The following CYP19A1 variants were observed in gnomAD, a reference collection of about 807,000 sequenced individuals.
CYP19A1 encodes cytochrome P450 family 19 subfamily A member 1.
In CYP19A1, 32 loss-of-function variants were observed where a neutral mutation model predicts 44.4. The observed-to-expected ratio is 0.72, with a 90% confidence interval of 0.54 to 0.97. CYP19A1 has a LOEUF of 0.97. Among genes scored for constraint, CYP19A1 ranks in the 50% least tolerant of loss-of-function variants. The pLI is 0.00. For missense variants in CYP19A1, 598 were observed against 637.8 expected, an observed-to-expected ratio of 0.94 and a Z score of 0.67; for synonymous variants, 212 against 215.6, an observed-to-expected ratio of 0.98 and a Z score of 0.14.
intron 4 of CYP19A1, among the ~76,000 whole-genome samples, chr15:51,226,274 G>T (rs1388128554): frequency 6.6e-6 from 1 of 152,118 alleles, no homozygotes; most frequent in East Asian, 1.9e-4. Context: ...GGCCTCTAGA[G>T]CTGGAAAAGA....
intron 1 of CYP19A1, among the ~76,000 whole-genome samples, chr15:51,326,947 TAC>T (rs1404129150): frequency 6.6e-6 from 1 of 152,196 alleles, no homozygotes; most frequent in Non-Finnish European, 1.5e-5. Flanking sequence ...CCCATGACCA[TAC>T]AGGTAGTTGT....
At chr15:51,284,656 T>C (rs757904268) in intron 1 of CYP19A1, among the ~76,000 whole-genome samples, 5 of 152,186 alleles carry the variant, frequency 3.3e-5, no homozygotes, top group Admixed American at 3.3e-4. Flanking sequence ...TTTAGCTTTA[T>C]TAACATTAAA....
At chr15:51,275,498 G>A (rs940649829) in intron 1 of CYP19A1, among the ~76,000 whole-genome samples, 1 of 152,214 alleles carries the variant, frequency 6.6e-6, no homozygotes. Flanking sequence ...AGACTGTCCT[G>A]GGTTGAAATC....
At chr15:51,248,000 A>G (rs1205739138) in intron 1 of CYP19A1, among the ~76,000 whole-genome samples, 1 of 152,132 alleles carries the variant, frequency 6.6e-6, no homozygotes, top group Non-Finnish European at 1.5e-5. Context: ...CTCAGTGGTC[A>G]GTTGAAGGCA....
At chr15:51,290,905 A>G (rs1316058204) in intron 1 of CYP19A1, among the ~76,000 whole-genome samples, 1 of 152,180 alleles carries the variant, frequency 6.6e-6, no homozygotes, top group East Asian at 1.9e-4. Context: ...CTTTGCCCTG[A>G]GGACCAGAGC....
intron 1 of CYP19A1, among the ~76,000 whole-genome samples, chr15:51,251,451 G>A (rs2034306753): frequency 6.6e-6 from 1 of 152,138 alleles, no homozygotes. Context: ...CAGAAACAGG[G>A]AATGTCTGTC....
intron 1 of CYP19A1, among the ~76,000 whole-genome samples, chr15:51,311,118 A>T (rs944619466): frequency 6.6e-6 from 1 of 152,218 alleles, no homozygotes; most frequent in Non-Finnish European, 1.5e-5. Context: ...GATAAGGACC[A>T]GGAAAACATG....
intron 1 of CYP19A1, among the ~76,000 whole-genome samples, chr15:51,248,677 T>C (rs1414982978): frequency 6.6e-6 from 1 of 152,198 alleles, no homozygotes; most frequent in East Asian, 1.9e-4. Context: ...CAGAACTGTA[T>C]TCCGCTTCTA....
chr15:51,280,242 C>T (rs998913761), intron 1 of CYP19A1, among the ~76,000 whole-genome samples: 1 of 151,828 alleles, frequency 6.6e-6, no homozygotes, highest in Non-Finnish European at 1.5e-5. Flanking sequence ...ACTACAGGCG[C>T]CCGCCACCAT....
chr15:51,305,694 G>A (rs1226523260), intron 1 of CYP19A1, among the ~76,000 whole-genome samples: 1 of 152,068 alleles, frequency 6.6e-6, no homozygotes, highest in Non-Finnish European at 1.5e-5. Flanking sequence ...CTGAGTAGCT[G>A]GAACTACAGG....
At chr15:51,268,913 T>C (rs1437056733) in intron 1 of CYP19A1, among the ~76,000 whole-genome samples, 3 of 152,204 alleles carry the variant, frequency 2.0e-5, no homozygotes, top group African/African-American at 4.8e-5. Flanking sequence ...GGTTGTCTTA[T>C]TGACTTTTTT....
At chr15:51,332,415 T>A (rs1159183772) in intron 1 of CYP19A1, among the ~76,000 whole-genome samples, 1 of 152,232 alleles carries the variant, frequency 6.6e-6, no homozygotes, top group Non-Finnish European at 1.5e-5. Context: ...CTTTAGAACT[T>A]TTTGTTCCAG....
chr15:51,259,201 A>G (rs1198004105), intron 1 of CYP19A1, among the ~76,000 whole-genome samples: 2 of 152,248 alleles, frequency 1.3e-5, no homozygotes, highest in Non-Finnish European at 2.9e-5. Flanking sequence ...TGTGATTATT[A>G]TCACCAAGGA....
chr15:51,272,244 G>A (rs925033544), intron 1 of CYP19A1, among the ~76,000 whole-genome samples: 3 of 152,146 alleles, frequency 2.0e-5, no homozygotes, highest in Non-Finnish European at 4.4e-5. Context: ...TTCAAGATAC[G>A]TGTTCCTGAG....
intron 3 of CYP19A1, among the ~76,000 whole-genome samples, chr15:51,231,666 C>T (rs545789671): frequency 2.6e-5 from 4 of 151,932 alleles, no homozygotes; most frequent in Admixed American, 6.5e-5. Flanking sequence ...CGCACACGTG[C>T]CTGCTGTCAG....
At position 51,338,514 on chromosome 15, in the gene CYP19A1, G is replaced by A. The variant is rs2036813911; in HGVS notation, c.-58C>T. On this transcript the variant is annotated 5_prime_UTR_variant, in exon 1 of 10. Coordinates refer to ENST00000396402, the MANE Select transcript of CYP19A1 (RefSeq NM_000103.4). ...ACATACGCGACGTCTGGAAGATCCC[G>A]AGCACAGGACCTTCCGTCCTGATAG... The A allele has an allele frequency of 6.6e-6, 1 of 152,198 alleles. No individual in the cohort carries two copies. Among genetic ancestry groups the A allele is most frequent in the South Asian group, 2.1e-4 (1 of 4,832 alleles). 9.4% of individuals were successfully genotyped at this position (152,198 alleles called of 1,614,324 possible).
Position 51,331,939 on chromosome 15 carries a change from A to G in CYP19A1, c.-39+6556T>C, listed in dbSNP as rs190066543. On this transcript the variant is annotated intron_variant, in intron 1 of 9. Transcript: ENST00000396402. ...TGTGTGTATATATATATATATACAC[A>G]CATACACACACACACATACATATAT... 9.3e-3 allele frequency among the ~76,000 whole-genome samples: 1,406 copies of G among 151,536 alleles called. 19 individuals carry two copies. Among genetic ancestry groups the G allele is most frequent in the African/African-American group, 0.033 (1,356 of 41,458 alleles).
intron 1 of CYP19A1, chr15:51,277,960 T>G (rs1409585330): frequency 6.7e-6 from 1 of 148,518 alleles, no homozygotes; most frequent in African/African-American, 2.5e-5. Context: ...ATGAGTTTTT[T>G]TTTTTTTTTT....
intron 1 of CYP19A1, among the ~76,000 whole-genome samples, chr15:51,256,792 T>C (rs2034532625): frequency 6.6e-6 from 1 of 152,208 alleles, no homozygotes; most frequent in Non-Finnish European, 1.5e-5. Flanking sequence ...CTAATGTTAA[T>C]GGCAGAATCA....
Sources: gnomAD v4.1 joint callset for allele counts (sites outside exome capture counted in the v4.1 genomes callset) on GRCh38, gnomAD v4.1.1 for gene constraint, MANE v1.5 for transcripts, NCBI Gene and HGNC (gene_info 2026-07-23, HGNC 2026-07-21) for gene names.